KIF26B: variants seen among roughly 807,000 people sequenced by gnomAD.
KIF26B encodes kinesin family member 26B.
KIF26B carries 63 observed loss-of-function variants against 151.2 expected under a neutral mutation model. The observed-to-expected ratio is 0.42, with a 90% CI of 0.34 to 0.51. KIF26B has a LOEUF of 0.51. Among genes scored for constraint, KIF26B ranks in the 20% least tolerant of loss-of-function variants. KIF26B has a pLI of 0.07. For synonymous variants in KIF26B, 1,357 were observed against 1,262.1 expected (o/e 1.08, Z -1.59); for missense variants, 2,813 against 2,913.6 (o/e 0.97, Z 0.79).
At chr1:245,419,509 A>T in intron 3 of KIF26B, 70 bp from the exon 4 acceptor site, 1 of 1,438,956 alleles carries the variant, frequency 6.9e-7, no homozygotes, top group Non-Finnish European at 9.5e-7. Flanking sequence ...CCAAATAGAG[A>T]GATGCTGTCA....
At chr1:245,635,321 A>G (rs976136502) in intron 9 of KIF26B, among the ~76,000 whole-genome samples, 10 of 152,038 alleles carry the variant, frequency 6.6e-5, no homozygotes, top group Non-Finnish European at 2.9e-5. Context: ...TAATGAATCT[A>G]GGGCCATTTT....
At chr1:245,619,063 A>G (rs1256578393) in intron 9 of KIF26B, among the ~76,000 whole-genome samples, 1 of 143,924 alleles carries the variant, frequency 6.9e-6, no homozygotes, top group South Asian at 2.2e-4. Context: ...ATCAGTGTCC[A>G]AGCCCTATTA....
chr1:245,186,777 A>G (rs1429100101), intron 2 of KIF26B, among the ~76,000 whole-genome samples: 3 of 152,248 alleles, frequency 2.0e-5, no homozygotes, highest in African/African-American at 4.8e-5. Flanking sequence ...AAAGAGTATT[A>G]TTATATCATC....
rs1397353675 is a variant in KIF26B, at chr1:245,227,828, C to G, written c.465+71145C>G. On this transcript the variant is annotated intron_variant, in intron 2 of 14. Transcript: ENST00000407071. This position sits in a 1 kb window ranked among gnomAD's most constrained non-coding sequence, Gnocchi z 4.1. The stretch of plus-strand genomic sequence containing the variant: ...CCAGCCTGGCCAACATGGTGGAACC[C>G]CATCTCTACTAAAAATACAAAAAAT... Among the ~76,000 whole-genome samples the G allele has an allele frequency of 6.6e-6, 1 of 151,922 alleles. No individual in the cohort carries two copies. Among genetic ancestry groups the G allele is most frequent in the African/African-American group, 2.4e-5 (1 of 41,362 alleles).
chr1:245,196,087 T>C (rs938399056), intron 2 of KIF26B, among the ~76,000 whole-genome samples: 2 of 152,132 alleles, frequency 1.3e-5, no homozygotes, highest in Non-Finnish European at 2.9e-5. Flanking sequence ...TTTTGTATGG[T>C]TTTAGAGCCT....
chr1:245,386,894 G>C (rs1673560458), intron 3 of KIF26B, among the ~76,000 whole-genome samples: 1 of 152,208 alleles, frequency 6.6e-6, no homozygotes, highest in African/African-American at 2.4e-5. Context: ...GACAGGCTTA[G>C]TCCTTCTCTT....
chr1:245,608,223 G>A (rs12025665), intron 7 of KIF26B, among the ~76,000 whole-genome samples: 11,639 of 152,260 alleles, frequency 0.076, 685 homozygotes, highest in East Asian at 0.2. Flanking sequence ...GCGCTGAAGC[G>A]TCTGGGAAAG....
chr1:245,453,040 C>T (rs1659434195), intron 4 of KIF26B, among the ~76,000 whole-genome samples: 1 of 152,020 alleles, frequency 6.6e-6, no homozygotes, highest in Non-Finnish European at 1.5e-5. Context: ...TATGTTTTCT[C>T]CTAAGGGTTT....
rs1668431107 is a variant in KIF26B at position 245,156,334 on chromosome 1, G to A, written c.116G>A (p.Ser39Asn). Residue 39 changes from serine to asparagine, a missense_variant, in exon 2 of 15, where the codon AGC (serine) becomes AAC (asparagine). Ser to Asn is a conservative substitution (Grantham distance 46, BLOSUM62 1). Around this residue, in one of 3 missense-constraint regions of KIF26B, gnomAD observed 676 missense variants for 688.1 expected, o/e 0.98. Transcript: ENST00000407071. ...TKPAAPFSPE[S>N]WYRKAYEESR... ...CCCGCAGCGCCCTTCTCCCCGGAAA[G>A]CTGGTACCGGAAAGCATACGAGGAG... 6.5e-7 allele frequency: 1 copy of A among 1,547,518 alleles called. No individual in the cohort carries two copies. Among genetic ancestry groups the A allele is most frequent in the East Asian group, 2.5e-5 (1 of 40,552 alleles).
intron 9 of KIF26B, among the ~76,000 whole-genome samples, chr1:245,640,052 G>A (rs1275890347): frequency 6.7e-6 from 1 of 149,656 alleles, no homozygotes; most frequent in East Asian, 2.0e-4. Context: ...ATTGCCAAAA[G>A]TGAGGTGTTG....
At chr1:245,182,235 A>G (rs554903240) in intron 2 of KIF26B, among the ~76,000 whole-genome samples, 71 of 151,994 alleles carry the variant, frequency 4.7e-4, no homozygotes, top group African/African-American at 1.6e-3. Context: ...TCTTCACCCT[A>G]CTCCACTCCC....
intron 2 of KIF26B, among the ~76,000 whole-genome samples, chr1:245,297,326 G>C (rs918570532): frequency 9.2e-5 from 14 of 152,228 alleles, no homozygotes; most frequent in African/African-American, 3.4e-4. Context: ...CTGAGTGACA[G>C]AGTGAGATTC....
chr1:245,508,302 G>A (rs1453824196), intron 4 of KIF26B, among the ~76,000 whole-genome samples: 3 of 152,100 alleles, frequency 2.0e-5, no homozygotes, highest in African/African-American at 4.8e-5. Flanking sequence ...GTGCAGTGGC[G>A]CGATCTCGGC....
chr1:245,287,543 GC>G (rs1349692429), intron 2 of KIF26B, among the ~76,000 whole-genome samples: 3 of 119,656 alleles, frequency 2.5e-5, no homozygotes, highest in Non-Finnish European at 4.9e-5. Context: ...CGCTCTTGTT[GC>G]CCAGACTGGA....
At chr1:245,639,365 TTCTTAG>T (rs1261466627) in intron 9 of KIF26B, among the ~76,000 whole-genome samples, 4 of 151,876 alleles carry the variant, frequency 2.6e-5, no homozygotes, top group South Asian at 2.1e-4. Flanking sequence ...CTTCTGTTTT[TTCTTAG>T]TCTAACTGAA....
intron 5 of KIF26B, among the ~76,000 whole-genome samples, chr1:245,552,686 C>T (rs1036189826): frequency 4.0e-5 from 6 of 150,120 alleles, no homozygotes; most frequent in Non-Finnish European, 8.8e-5. Flanking sequence ...GATCTTGGCT[C>T]CCTGCAACCT....
At chr1:245,673,957 A>C (rs1424707421) in intron 10 of KIF26B, 1 of 152,238 alleles carries the variant, frequency 6.6e-6, no homozygotes. Flanking sequence ...CTGGGTTACT[A>C]TGACAACATG....
intron 10 of KIF26B, among the ~76,000 whole-genome samples, chr1:245,653,456 G>A (rs12735273): frequency 0.45 from 68,121 of 151,984 alleles, 16,279 homozygotes; most frequent in Middle Eastern, 0.58. Flanking sequence ...ACAGCCGGGC[G>A]TTGTTCTCAC....
intron 5 of KIF26B, among the ~76,000 whole-genome samples, chr1:245,558,619 G>A (rs763422689): frequency 3.9e-5 from 6 of 152,230 alleles, no homozygotes; most frequent in African/African-American, 7.2e-5. Flanking sequence ...CAAGGAAGGT[G>A]CTAGATACAT....
Sources: allele counts gnomAD v4.1 joint callset (sites outside exome capture counted in the v4.1 genomes callset), GRCh38; gene constraint gnomAD v4.1.1; regional missense constraint gnomAD v4.1.1; non-coding constraint Gnocchi (gnomAD v3.1); transcripts MANE v1.5; gene names NCBI Gene and HGNC (gene_info 2026-07-23, HGNC 2026-07-21).